Variants in NR1H4 observed in about 807,000 individuals in gnomAD.
NR1H4 encodes bile acid receptor.
Under a neutral mutation model 58.5 loss-of-function variants are expected in NR1H4, and 23 were observed. The ratio of observed to expected loss-of-function variants is 0.39; its 90% CI spans 0.28 to 0.56. The LOEUF (loss-of-function observed/expected upper bound fraction) is 0.56. NR1H4 is among the 20% of genes least tolerant of loss of function. The pLI, the probability that NR1H4 is intolerant of heterozygous loss-of-function variation, is 0.58. For synonymous variants in NR1H4, 214 were observed against 198.0 expected, an observed-to-expected ratio of 1.08 and a Z score of -0.68; for missense variants, 487 against 576.9, an observed-to-expected ratio of 0.84 and a Z score of 1.60.
At chr12:100,556,739 A>G (rs1955337921) in intron 9 of NR1H4, among the ~76,000 whole-genome samples, 1 of 152,156 alleles carries the variant, frequency 6.6e-6, no homozygotes, top group South Asian at 2.1e-4. Flanking sequence ...AACTTAGTCA[A>G]CTCAGATTAC....
intron 8 of NR1H4, among the ~76,000 whole-genome samples, chr12:100,537,621 A>G (rs924762712): frequency 1.3e-5 from 2 of 152,272 alleles, no homozygotes; most frequent in Non-Finnish European, 2.9e-5. Flanking sequence ...AGGGAGGATC[A>G]TATTTGAGTT....
intron 9 of NR1H4, among the ~76,000 whole-genome samples, chr12:100,559,795 C>T (rs1480249927): frequency 6.6e-6 from 1 of 152,234 alleles, no homozygotes; most frequent in Non-Finnish European, 1.5e-5. Flanking sequence ...GCAGACAGCT[C>T]CACCTGCAGC....
At chr12:100,543,579 G>GTGTGTT (rs1226391576) in intron 9 of NR1H4, among the ~76,000 whole-genome samples, 1 of 152,044 alleles carries the variant, frequency 6.6e-6, no homozygotes, top group African/African-American at 2.4e-5. Flanking sequence ...GTGTGTGTGT[G>GTGTGTT]TGTGTGTGTC....
rs912434957 is a variant in NR1H4 at position 100,502,861 on chromosome 12, T to A, written c.80-7917T>A. Among the ~76,000 whole-genome samples the A allele has an allele frequency of 8.5e-5, 13 of 152,164 alleles. No homozygotes were observed. In the South Asian group the frequency reaches 2.7e-3, roughly 32 times the overall value. On this transcript the variant is annotated intron_variant, in intron 3 of 10. Transcript: ENST00000392986. Reference sequence around the variant, plus strand: ...AAAGGGGAAACCCCTTATAAAACCATCAGATCTTGTGAGACTTACTCACTA... The same window carrying A: ...AAAGGGGAAACCCCTTATAAAACCAACAGATCTTGTGAGACTTACTCACTA...
At chr12:100,509,913 G>A (rs913157122) in intron 3 of NR1H4, among the ~76,000 whole-genome samples, 7 of 145,714 alleles carry the variant, frequency 4.8e-5, no homozygotes, top group South Asian at 2.1e-4. Flanking sequence ...GGGCACGTGC[G>A]CGCACACACA....
chr12:100,551,937 C>T (rs1955212222), intron 9 of NR1H4, among the ~76,000 whole-genome samples: 1 of 152,176 alleles, frequency 6.6e-6, no homozygotes, highest in Non-Finnish European at 1.5e-5. Flanking sequence ...AATTGCTTCA[C>T]TGTATTGTTT....
At chr12:100,515,592 T>C (rs1954244674) in intron 4 of NR1H4, among the ~76,000 whole-genome samples, 4 of 152,190 alleles carry the variant, frequency 2.6e-5, no homozygotes. Flanking sequence ...AGAATGCTAT[T>C]ATTAGTTTTT....
intron 1 of NR1H4, among the ~76,000 whole-genome samples, chr12:100,475,345 C>G (rs760230808): frequency 1.2e-4 from 18 of 152,146 alleles, no homozygotes; most frequent in Non-Finnish European, 2.4e-4. Context: ...TTTCTGTTTT[C>G]TGAGGATGTT....
chr12:100,526,967 C>T (rs543544023), intron 4 of NR1H4, among the ~76,000 whole-genome samples: 3 of 152,236 alleles, frequency 2.0e-5, no homozygotes, highest in Non-Finnish European at 2.9e-5. Context: ...CAAGAGTTTC[C>T]GCCCTCTTGG....
At position 100,489,103 on chromosome 12, in the gene NR1H4, C is replaced by T. The variant is rs144508209; in HGVS notation, c.-189-3400C>T. Among the ~76,000 whole-genome samples the T allele has an allele frequency of 7.4e-4, 113 of 152,240 alleles. 1 individual carries two copies. The highest frequency in any genetic ancestry group is 2.6e-3 in the African/African-American group (109 of 41,542). On this transcript the variant is annotated intron_variant, in intron 1 of 10. Coordinates refer to ENST00000392986, the MANE Select transcript of NR1H4 (RefSeq NM_001206979.2). Reference sequence around the variant, plus strand: ...GAGCACCAAAGTAACCGTAATTAGACAAATAATGTATATGGAAACTCTTGG... The same window carrying T: ...GAGCACCAAAGTAACCGTAATTAGATAAATAATGTATATGGAAACTCTTGG...
chr12:100,544,759 G>T (rs1415428628), intron 9 of NR1H4, among the ~76,000 whole-genome samples: 1 of 152,146 alleles, frequency 6.6e-6, no homozygotes, highest in Non-Finnish European at 1.5e-5. Flanking sequence ...TCAGATGGTT[G>T]TTTCCCTGAA....
chr12:100,485,255 T>C (rs1953466656), intron 1 of NR1H4, among the ~76,000 whole-genome samples: 1 of 152,134 alleles, frequency 6.6e-6, no homozygotes, highest in Non-Finnish European at 1.5e-5. Flanking sequence ...ATGGACTGTA[T>C]TGCAACCACA....
At chr12:100,515,874 C>T (rs1954252817) in intron 4 of NR1H4, among the ~76,000 whole-genome samples, 1 of 152,124 alleles carries the variant, frequency 6.6e-6, no homozygotes, top group African/African-American at 2.4e-5. Flanking sequence ...TCTGTGTAGA[C>T]CAGTGCTACT....
chr12:100,550,525 C>T (rs564581064), intron 9 of NR1H4, among the ~76,000 whole-genome samples: 38 of 152,100 alleles, frequency 2.5e-4, no homozygotes, highest in African/African-American at 8.4e-4. Flanking sequence ...GCAACATGTC[C>T]GGTTAATTTT....
intron 9 of NR1H4, among the ~76,000 whole-genome samples, chr12:100,559,456 G>C (rs1410057126): frequency 6.6e-6 from 1 of 152,200 alleles, no homozygotes; most frequent in Non-Finnish European, 1.5e-5. Flanking sequence ...GCGTGGGCTT[G>C]GCGGGCCCCT....
At chr12:100,560,315 A>G (rs1288129739) in intron 9 of NR1H4, among the ~76,000 whole-genome samples, 1 of 152,170 alleles carries the variant, frequency 6.6e-6, no homozygotes, top group Admixed American at 6.5e-5. Context: ...CCCCTTCCAC[A>G]CTGTGGAGGC....
intron 9 of NR1H4, among the ~76,000 whole-genome samples, chr12:100,559,673 T>A (rs1955418799): frequency 6.6e-6 from 1 of 152,192 alleles, no homozygotes. Flanking sequence ...ACCCACTCCA[T>A]GGGCTCCTGT....
intron 9 of NR1H4, among the ~76,000 whole-genome samples, chr12:100,551,730 A>G (rs1397602569): frequency 6.6e-6 from 1 of 152,168 alleles, no homozygotes; most frequent in African/African-American, 2.4e-5. Flanking sequence ...GATATTATGT[A>G]TTTATTTATG....
chr12:100,478,126 T>C (rs539920141), intron 1 of NR1H4, among the ~76,000 whole-genome samples: 1 of 151,750 alleles, frequency 6.6e-6, no homozygotes, highest in African/African-American at 2.4e-5. Context: ...TCATCGATTG[T>C]AAAAAAATGT....
Sources: allele counts gnomAD v4.1 joint callset (sites outside exome capture counted in the v4.1 genomes callset), GRCh38; gene constraint gnomAD v4.1.1; transcripts MANE v1.5; gene names NCBI Gene and HGNC (gene_info 2026-07-23, HGNC 2026-07-21).